The following CCSER2 variants were observed in gnomAD, a reference collection of about 807,000 sequenced individuals.
The protein encoded by CCSER2 is coiled-coil serine rich protein 2.
CCSER2 carries 46 observed loss-of-function variants against 92.3 expected under a neutral mutation model. That is an observed-to-expected ratio of 0.50 (90% CI 0.39 to 0.64). The LOEUF (loss-of-function observed/expected upper bound fraction) is 0.64. Ranked by LOEUF, CCSER2 falls within the 30% of genes least tolerant of loss-of-function variation. CCSER2 has a pLI of 0.00. For synonymous variants in CCSER2, 433 were observed against 431.4 expected (o/e 1.00, Z -0.04); for missense variants, 1,244 against 1,238.9 (o/e 1.00, Z -0.06).
chr10:84,490,759 C>G (rs577622979), intron 9 of CCSER2, among the ~76,000 whole-genome samples: 6 of 152,356 alleles, frequency 3.9e-5, no homozygotes, highest in African/African-American at 1.4e-4. Context: ...CATTCTCCGT[C>G]CAGCTTTGTT....
In CCSER2 at chr10:84,372,131, C is replaced by T; in HGVS notation, c.1079C>T (p.Ala360Val). 1 of 1,613,532 alleles carries T rather than the reference C, an allele frequency of 6.2e-7. No individual in the cohort carries two copies. Among genetic ancestry groups the T allele is most frequent in the Non-Finnish European group, 8.5e-7 (1 of 1,179,704 alleles). The change falls in exon 2 of 10, where the codon GCT becomes GTT. Residue 360 changes from alanine to valine, a missense_variant. Coordinates refer to ENST00000372088, the MANE Select transcript of CCSER2 (RefSeq NM_001284240.2). The stretch of plus-strand genomic sequence containing the variant: ...GCTACAGTTTTGGCTAAGGACAGAG[C>T]TGCTAATAAGGACCAAGAACTGATT... ...EDATVLAKDR[A>V]ANKDQELIEN... is the part of the protein sequence containing the mutation.
chr10:84,471,389 C>G (rs2133711720), intron 8 of CCSER2, among the ~76,000 whole-genome samples: 1 of 151,840 alleles, frequency 6.6e-6, no homozygotes, highest in East Asian at 1.9e-4. Flanking sequence ...AGACAAGAAC[C>G]CAATCAACTT....
chr10:84,375,494 G>A lies in CCSER2; in HGVS notation c.1614+1679G>A, dbSNP rs926099212. On this transcript the variant is annotated intron_variant, in intron 3 of 9. Transcript: ENST00000372088. Reference sequence around the variant, plus strand: ...TGAAGTTACGTGAATTTTTTGTTTTGTATAAATTTTAGGCGTGTACCTGTT... The same window carrying A: ...TGAAGTTACGTGAATTTTTTGTTTTATATAAATTTTAGGCGTGTACCTGTT... Among the ~76,000 whole-genome samples, 16 of 146,286 alleles carry A rather than the reference G, an allele frequency of 1.1e-4. 1 individual carries two copies. Among genetic ancestry groups the A allele is most frequent in the African/African-American group, 3.5e-4 (14 of 39,986 alleles).
rs568733743 is a variant in CCSER2, at chr10:84,477,805, C to G, written c.2325+141C>G. 11 of 579,958 alleles carry G rather than the reference C, an allele frequency of 1.9e-5. No individual in the cohort carries two copies. The South Asian group carries it at 2.6e-4, about 14-fold the overall frequency. The allele number at this position is 579,958 out of a possible 1,614,324, so 35.9% of individuals were successfully genotyped here. On this transcript the variant is annotated intron_variant, in intron 9 of 9. Transcript: ENST00000372088. ...TTGTAGGTAATTTATTTTTGCTTGT[C>G]TCTTAGGTGTTTATGTGTTTTCCTA...
intron 1 of CCSER2, among the ~76,000 whole-genome samples, chr10:84,330,285 C>T (rs1843489275): frequency 6.6e-6 from 1 of 152,178 alleles, no homozygotes; most frequent in Admixed American, 6.5e-5. Flanking sequence ...AAGACTGTTG[C>T]AGTTCTCTGA....
intron 6 of CCSER2, among the ~76,000 whole-genome samples, chr10:84,450,979 C>T (rs951088384): frequency 1.3e-5 from 2 of 152,074 alleles, no homozygotes; most frequent in East Asian, 1.9e-4. Flanking sequence ...TTTCTCAGTA[C>T]GATTTACAGA....
intron 9 of CCSER2, among the ~76,000 whole-genome samples, chr10:84,505,064 A>G (rs918057746): frequency 6.6e-5 from 10 of 152,146 alleles, no homozygotes; most frequent in Non-Finnish European, 7.4e-5. Flanking sequence ...AGTCTTTTAA[A>G]TATTATGTTA....
intron 1 of CCSER2, among the ~76,000 whole-genome samples, chr10:84,336,360 G>A (rs1262072942): frequency 6.6e-6 from 1 of 152,192 alleles, no homozygotes; most frequent in Non-Finnish European, 1.5e-5. Context: ...ATAAGTATAT[G>A]TGTAATATGT....
At chr10:84,378,575 C>T (rs1181622552) in intron 3 of CCSER2, among the ~76,000 whole-genome samples, 1 of 151,918 alleles carries the variant, frequency 6.6e-6, no homozygotes, top group African/African-American at 2.4e-5. Flanking sequence ...GCTGGGATTA[C>T]AGGCGCCTGC....
intron 9 of CCSER2, among the ~76,000 whole-genome samples, chr10:84,491,397 G>A (rs946779143): frequency 6.6e-6 from 1 of 152,168 alleles, no homozygotes. Flanking sequence ...CCCAGTTCGA[G>A]CTTCCCGGCC....
At chr10:84,499,683 A>G (rs948898223) in intron 9 of CCSER2, among the ~76,000 whole-genome samples, 3 of 152,202 alleles carry the variant, frequency 2.0e-5, no homozygotes, top group African/African-American at 7.2e-5. Flanking sequence ...AAAAATATTA[A>G]AAATAACTAG....
chr10:84,423,168 C>T (rs1194108825), intron 4 of CCSER2, among the ~76,000 whole-genome samples: 1 of 152,080 alleles, frequency 6.6e-6, no homozygotes, highest in South Asian at 2.1e-4. Context: ...AACCTTTAAT[C>T]TTTTCTAAGA....
rs1846719968 is a variant in CCSER2, at chr10:84,470,419, GA to G, written c.2202del (p.Asp735MetfsTer7). 4 of 1,396,562 alleles carry G rather than the reference GA, an allele frequency of 2.9e-6. No homozygotes were observed. Among genetic ancestry groups the G allele is most frequent in the South Asian group, 1.4e-5 (1 of 73,970 alleles). The allele number at this position is 1,396,562 out of a possible 1,614,324, so 86.5% of individuals were successfully genotyped here. A position where few individuals can be genotyped will look rare whatever the true frequency, so the allele number is the denominator to read the frequency against. On this transcript the variant is annotated frameshift_variant, in exon 8 of 10. Coordinates refer to ENST00000372088, the MANE Select transcript of CCSER2 (RefSeq NM_001284240.2). LOFTEE classifies it high-confidence loss of function. ...TAAAACAACTTAAAGACGAAATAAAGAAAAAAGATGAAAAGATCCAACTATT... is the reference window on the plus strand; with the variant it reads ...TAAAACAACTTAAAGACGAAATAAAGAAAAAGATGAAAAGATCCAACTATT... ...EIKQLKDEIKKKDEKIQLLEL... is the reference protein window; with the variant it reads ...EIKQLKDEIKXKDEKIQLLEL...
chr10:84,503,075 T>C (rs1848851600), intron 9 of CCSER2, among the ~76,000 whole-genome samples: 1 of 151,812 alleles, frequency 6.6e-6, no homozygotes. Context: ...ATACGAAAAA[T>C]TAGCGGGGCG....
chr10:84,419,689 G>A (rs1843046064), intron 4 of CCSER2, among the ~76,000 whole-genome samples: 2 of 152,052 alleles, frequency 1.3e-5, no homozygotes, highest in Non-Finnish European at 2.9e-5. Flanking sequence ...TTCTAGTGCT[G>A]AAAAAGAAAA....
At position 84,392,442 on chromosome 10, in the gene CCSER2, A is replaced by G. The variant is rs574709490; in HGVS notation, c.1614+18627A>G. 2.0e-5 allele frequency among the ~76,000 whole-genome samples: 3 copies of G among 152,232 alleles called. No individual in the cohort carries two copies. The East Asian group carries it at 5.8e-4, about 29-fold the overall frequency. On this transcript the variant is annotated intron_variant, in intron 3 of 9. Coordinates refer to ENST00000372088, the MANE Select transcript of CCSER2 (RefSeq NM_001284240.2). ...TGATGCATAGGGACAAGAAAGAGGA[A>G]CAATTCTATAGCGCACAATAAAGGA... is the stretch of plus-strand genomic sequence containing the variant.
chr10:84,423,071 T>A (rs1843233470), intron 4 of CCSER2, among the ~76,000 whole-genome samples: 2 of 151,164 alleles, frequency 1.3e-5, no homozygotes, highest in African/African-American at 2.4e-5. Context: ...AAAAAAAAAA[T>A]TGTCTCTGGA....
intron 3 of CCSER2, chr10:84,391,799 A>G (rs1841533795): frequency 1.9e-6 from 3 of 1,564,554 alleles, no homozygotes; most frequent in Non-Finnish European, 2.6e-6. Context: ...GACAATGAGG[A>G]AAAGGATTCA....
chr10:84,415,471 C>T (rs1379363195), intron 3 of CCSER2, among the ~76,000 whole-genome samples: 1 of 152,112 alleles, frequency 6.6e-6, no homozygotes, highest in Non-Finnish European at 1.5e-5. Flanking sequence ...TTTTTCTTAC[C>T]TGGAGATATC....
Sources: gnomAD v4.1 joint callset for allele counts (sites outside exome capture counted in the v4.1 genomes callset) on GRCh38, gnomAD v4.1.1 for gene constraint, MANE v1.5 for transcripts, NCBI Gene and HGNC (gene_info 2026-07-23, HGNC 2026-07-21) for gene names.